NELFB: variants seen among roughly 807,000 people sequenced by gnomAD.
NELFB encodes the protein negative elongation factor B.
In NELFB, 34 loss-of-function variants were observed where a neutral mutation model predicts 60.2. The ratio of observed to expected loss-of-function variants is 0.56; its 90% CI spans 0.43 to 0.75. The LOEUF is 0.75. NELFB is among the 30% of genes least tolerant of loss of function. The pLI is 0.00. For missense variants in NELFB, 770 were observed against 831.6 expected (o/e 0.93, Z 0.91); for synonymous variants, 459 against 382.1 (o/e 1.20, Z -2.35).
chr9:137,257,273 C>T (rs965261081), intron 4 of NELFB, among the ~76,000 whole-genome samples: 3 of 152,242 alleles, frequency 2.0e-5, no homozygotes, highest in Admixed American at 6.5e-5. Context: ...GATATATGGA[C>T]AACATTTAAA....
At chr9:137,270,441 A>G (rs1830570336) in intron 10 of NELFB, among the ~76,000 whole-genome samples, 1 of 149,108 alleles carries the variant, frequency 6.7e-6, no homozygotes, top group Admixed American at 6.7e-5. Context: ...AAATACAGAA[A>G]TTAGCCGCGT....
rs570902126 is a variant in NELFB at position 137,263,126 on chromosome 9, G to A, written c.831G>A (p.Thr277=). Residue 277 remains threonine, a synonymous_variant, in exon 5 of 13, where the codon ACG becomes ACA. Transcript: ENST00000343053. ...TTCTGCGCACGCTCTTCCTGCGCAC[G>A]CGGAATGTGCACTACTGCACGCTGC... is the stretch of plus-strand genomic sequence containing the variant. 7.8e-5 allele frequency: 126 copies of A among 1,614,064 alleles called. No homozygotes were observed. In the Admixed American group the frequency reaches 1.2e-3, roughly 16 times the overall value.
At chr9:137,262,405 C>T (rs1830460017) in intron 4 of NELFB, among the ~76,000 whole-genome samples, 1 of 152,214 alleles carries the variant, frequency 6.6e-6, no homozygotes, top group Non-Finnish European at 1.5e-5. Context: ...CCTGTCCAGG[C>T]ATAACAGAAG....
At position 137,267,332 on chromosome 9, in the gene NELFB, T is replaced by A. The variant is rs780031795; in HGVS notation, c.1475T>A (p.Leu492Gln). The change falls in exon 10 of 13, where the codon CTG becomes CAG. Residue 492 changes from leucine (L) to glutamine (Q), a missense_variant. Physicochemically the swap from Leu to Gln is moderately radical, Grantham distance 113. Coordinates refer to ENST00000343053, the MANE Select transcript of NELFB (RefSeq NM_015456.5). The stretch of plus-strand genomic sequence containing the variant: ...AGGAACAAGAACGCGCTCCTCCGCC[T>A]GCTGCCCGGGCTGGGTAAGTCCTGA... The A allele has an allele frequency of 7.5e-6, 12 of 1,610,038 alleles. No individual in the cohort carries two copies. The highest frequency in any genetic ancestry group is 6.8e-6 in the Non-Finnish European group (8 of 1,178,346).
chr9:137,264,482 T>G, intron 6 of NELFB, 125 bp downstream of exon 6: 1 of 724,472 alleles, frequency 1.4e-6, no homozygotes, highest in South Asian at 1.7e-5. Flanking sequence ...TTTGTTTTTT[T>G]CGAGACAGAG....
chr9:137,265,759 A>G (rs1004424156), intron 6 of NELFB, 118 bp from the exon 7 acceptor site: 6 of 693,582 alleles, frequency 8.7e-6, no homozygotes, highest in African/African-American at 7.1e-5. Flanking sequence ...GAAACCCAGC[A>G]TGTGATGGGC....
rs772869877 is a variant in NELFB at position 137,267,051 on chromosome 9, C to A, written c.1347C>A (p.Val449=). The A allele has an allele frequency of 6.2e-7, 1 of 1,614,106 alleles. No homozygotes were observed. The highest frequency in any genetic ancestry group is 1.1e-5 in the South Asian group (1 of 91,090). Residue 449 remains valine, a synonymous_variant, in exon 9 of 13, where the codon GTC becomes GTA. Coordinates refer to ENST00000343053, the MANE Select transcript of NELFB (RefSeq NM_015456.5). ...TTCCGGCTGAGGAGAAAGCCCCAGT[C>A]TCATATCCAAACACACTTCCCGAAA...
At chr9:137,271,679 T>C (rs1375468027) in intron 10 of NELFB, among the ~76,000 whole-genome samples, 1 of 152,230 alleles carries the variant, frequency 6.6e-6, no homozygotes, top group Non-Finnish European at 1.5e-5. Context: ...CCTGTATTTG[T>C]TAGGCTTGTT....
In NELFB at chr9:137,273,047, C is replaced by T; in HGVS notation, c.*119C>T. 8.4e-7 allele frequency: 1 copy of T among 1,185,360 alleles called. No individual in the cohort carries two copies. The highest frequency in any genetic ancestry group is 1.1e-6 in the Non-Finnish European group (1 of 877,794). The allele number at this position is 1,185,360 out of a possible 1,614,324, so 73.4% of individuals were successfully genotyped here. A position where few individuals can be genotyped will look rare whatever the true frequency, so the allele number is the denominator to read the frequency against. On this transcript the variant is annotated 3_prime_UTR_variant, in exon 13 of 13. Transcript: ENST00000343053. ...CTCTCTTCCCGGGGCTATGGCTGGG[C>T]CTGTCCTGCCGTCATGGCCCCCTGC...
In NELFB at chr9:137,266,181, G is replaced by A. The variant is rs1209707671; in HGVS notation, c.1144-150G>A. 1.8e-5 allele frequency: 14 copies of A among 766,722 alleles called. No homozygotes were observed. The East Asian group carries it at 1.9e-4, about 10-fold the overall frequency. The allele number at this position is 766,722 out of a possible 1,614,324, so 47.5% of individuals were successfully genotyped here. A position where few individuals can be genotyped will look rare whatever the true frequency, so the allele number is the denominator to read the frequency against. On this transcript the variant is annotated intron_variant, in intron 7 of 12. Coordinates refer to ENST00000343053, the MANE Select transcript of NELFB (RefSeq NM_015456.5). ...GTGTGCTTCCCCGCTGTGAGACTGC[G>A]TTTCACCCCGTGTGTGGGGCTGGTG...
At chr9:137,263,364 T>C (rs1588187137) in intron 5 of NELFB, 142 bp downstream of exon 5, 5 of 366,936 alleles carry the variant, frequency 1.4e-5, no homozygotes, top group Middle Eastern at 8.7e-4. Context: ...CCTCCCTCCT[T>C]CTCCCTTCTC....
In NELFB at chr9:137,266,337, C is replaced by T; in HGVS notation, c.1150C>T (p.Pro384Ser). 6.2e-7 allele frequency: 1 copy of T among 1,612,692 alleles called. No homozygotes were observed. The highest frequency in any genetic ancestry group is 8.5e-7 in the Non-Finnish European group (1 of 1,179,890). ...GAGCCCGTCCTCCCTACAGGACAGCCCCGACCTCCTGCTGCTGCTCCGGCT... is the reference window on the plus strand; with the variant it reads ...GAGCCCGTCCTCCCTACAGGACAGCTCCGACCTCCTGCTGCTGCTCCGGCT... The change falls in exon 8 of 13, where the codon CCC becomes TCC. Residue 384 changes from proline to serine, a missense_variant. Coordinates refer to ENST00000343053, the MANE Select transcript of NELFB (RefSeq NM_015456.5).
chr9:137,257,731 A>G, intron 4 of NELFB, among the ~76,000 whole-genome samples: 3 of 150,978 alleles, frequency 2.0e-5, no homozygotes, highest in African/African-American at 7.3e-5. Flanking sequence ...TGAACTCCTG[A>G]CCTCAGGTGA....
rs1830596510 is a variant in NELFB at position 137,272,569 on chromosome 9, C to T, written c.1694C>T (p.Pro565Leu). The T allele has an allele frequency of 6.2e-7, 1 of 1,611,526 alleles. No individual in the cohort carries two copies. The highest frequency in any genetic ancestry group is 1.7e-5 in the Admixed American group (1 of 59,830). ...ATTCACCTGCACCCCAGGGTGGCCC[C>T]GTCTAAGCTGGAGGCGTTGCAGAAG... The change falls in exon 12 of 13, where the codon CCG becomes CTG. Residue 565 changes from proline (P) to leucine (L), a missense_variant. By Grantham distance (98) the Pro-to-Leu change is moderately conservative. Transcript: ENST00000343053.
chr9:137,258,122 T>G (rs1423633092), intron 4 of NELFB, among the ~76,000 whole-genome samples: 3 of 21,392 alleles, frequency 1.4e-4, no homozygotes, highest in Non-Finnish European at 1.6e-4. Flanking sequence ...GTTGGGGTTT[T>G]TTTTTTTTTT....
At position 137,269,771 on chromosome 9, in the gene NELFB, C is replaced by T. The variant is rs957153065; in HGVS notation, c.1490-2310C>T. ...TGACAGACTCACCTGGGAGGCCTTC[C>T]GTGCGCTTCTGTTTCTTTCTCTCAT... is the stretch of plus-strand genomic sequence containing the variant. On this transcript the variant is annotated intron_variant, in intron 10 of 12. Coordinates refer to ENST00000343053, the MANE Select transcript of NELFB (RefSeq NM_015456.5). The surrounding 1 kb of genome is among the most constrained non-coding windows in gnomAD (Gnocchi z 5.3). 1.1e-4 allele frequency among the ~76,000 whole-genome samples: 16 copies of T among 152,246 alleles called. No homozygotes were observed. Among genetic ancestry groups the T allele is most frequent in the African/African-American group, 3.6e-4 (15 of 41,544 alleles).
At chr9:137,255,875 G>T in intron 1 of NELFB, 32 bp from the exon 2 acceptor site, 1 of 1,608,304 alleles carries the variant, frequency 6.2e-7, no homozygotes, top group Non-Finnish European at 8.5e-7. Flanking sequence ...GGCGCACTGG[G>T]CTGCGTTTGA....
intron 6 of NELFB, 42 bp from the exon 7 acceptor site, chr9:137,265,835 G>A: frequency 7.4e-7 from 1 of 1,351,038 alleles, no homozygotes; most frequent in Non-Finnish European, 1.1e-6. Context: ...TGAAGGGAGG[G>A]GCAACAGGCG....
At position 137,256,356 on chromosome 9, in the gene NELFB, G is replaced by A; in HGVS notation, c.438G>A (p.Glu146=). Residue 146 remains glutamate (E), a synonymous_variant, in exon 3 of 13, where the codon GAG becomes GAA. Coordinates refer to ENST00000343053, the MANE Select transcript of NELFB (RefSeq NM_015456.5). ...ACAAGAAGCTGGAAGACCTTCTGGA[G>A]AAGAGCTTTTCTCTGGTGAAGATGC... 6.2e-7 allele frequency: 1 copy of A among 1,614,082 alleles called. No homozygotes were observed. The highest frequency in any genetic ancestry group is 1.3e-5 in the African/African-American group (1 of 75,054).
Sources: gnomAD v4.1 joint callset for allele counts (sites outside exome capture counted in the v4.1 genomes callset) on GRCh38, gnomAD v4.1.1 for gene constraint, Gnocchi (gnomAD v3.1) non-coding constraint, MANE v1.5 for transcripts, NCBI Gene and HGNC (gene_info 2026-07-23, HGNC 2026-07-21) for gene names.